Variants in MED12L observed in about 807,000 individuals in gnomAD.
MED12L encodes mediator complex subunit 12L, also known as mediator of RNA polymerase II transcription subunit 12-like protein.
Under a neutral mutation model 281.3 loss-of-function variants are expected in MED12L, and 60 were observed. The ratio of observed to expected loss-of-function variants is 0.21; its 90% CI spans 0.17 to 0.26. MED12L has a LOEUF of 0.26. Among genes scored for constraint, MED12L ranks in the 10% least tolerant of loss-of-function variants. The probability of loss-of-function intolerance (pLI) is 1.00; values close to 1 mark genes in which losing one functional copy is unlikely to be tolerated. For missense variants in MED12L, 2,146 were observed against 2,680.9 expected (o/e 0.80, Z 4.41); for synonymous variants, 974 against 987.2 (o/e 0.99, Z 0.25).
chr3:151,288,862 A>G (rs1743892938), intron 16 of MED12L, among the ~76,000 whole-genome samples: 1 of 152,224 alleles, frequency 6.6e-6, no homozygotes, highest in Non-Finnish European at 1.5e-5. Context: ...TTCGCAGCTC[A>G]TCATGTAAAT....
chr3:151,396,858 A>G lies in MED12L; in HGVS notation c.5820+1991A>G, dbSNP rs986934978. On this transcript the variant is annotated intron_variant, in intron 39 of 44. Coordinates refer to ENST00000687756, the MANE Select transcript of MED12L (RefSeq NM_001393769.1). ...CTGTTTTTAAAAGGTTCACTTCCTG[A>G]TATAAGCCATGACAAACGATTTCAG... 2.6e-5 allele frequency among the ~76,000 whole-genome samples: 4 copies of G among 152,342 alleles called. No homozygotes were observed. In the East Asian group the frequency reaches 5.8e-4, roughly 22 times the overall value.
chr3:151,238,392 C>T (rs1220474769), intron 16 of MED12L, among the ~76,000 whole-genome samples: 1 of 152,222 alleles, frequency 6.6e-6, no homozygotes, highest in Non-Finnish European at 1.5e-5. Context: ...GGTGATCCAC[C>T]CGCCTCAGCC....
In MED12L at chr3:151,369,561, C is replaced by G; in HGVS notation, c.3664+12C>G. The G allele has an allele frequency of 6.5e-7, 1 of 1,546,844 alleles. No homozygotes were observed. The highest frequency in any genetic ancestry group is 8.9e-7 in the Non-Finnish European group (1 of 1,128,772). The stretch of plus-strand genomic sequence containing the variant: ...AATTATGATGCTTGGTAAGATTATT[C>G]TGACCCTAAGCTTCTTGGTTAATCA... On this transcript the variant is annotated intron_variant, in intron 26 of 44. Transcript: ENST00000687756.
At chr3:151,233,721 G>T (rs569503804) in intron 16 of MED12L, among the ~76,000 whole-genome samples, 1 of 152,320 alleles carries the variant, frequency 6.6e-6, no homozygotes, top group South Asian at 2.1e-4. Flanking sequence ...CAACAAGAGT[G>T]AAACTCCGTC....
At chr3:151,199,544 T>A in intron 16 of MED12L, 1 of 637,664 alleles carries the variant, frequency 1.6e-6, no homozygotes, top group African/African-American at 1.8e-5. Flanking sequence ...GTTCTTAGAA[T>A]TTTATTGGTG....
chr3:151,146,142 T>C (rs1454650539), intron 5 of MED12L, among the ~76,000 whole-genome samples: 1 of 152,212 alleles, frequency 6.6e-6, no homozygotes, highest in Non-Finnish European at 1.5e-5. Flanking sequence ...TCCAGACCTC[T>C]GGAGTTGAAA....
intron 7 of MED12L, among the ~76,000 whole-genome samples, chr3:151,159,127 A>G (rs1719668997): frequency 6.6e-6 from 1 of 152,190 alleles, no homozygotes; most frequent in East Asian, 1.9e-4. Context: ...AAAACAAAAC[A>G]AATCATCCCT....
rs117666401 is a variant in MED12L at position 151,263,728 on chromosome 3, A to T, written c.2250+70062A>T. 5.3e-4 allele frequency among the ~76,000 whole-genome samples: 79 copies of T among 149,494 alleles called. No individual in the cohort carries two copies. In the East Asian group the frequency reaches 0.013, roughly 25 times the overall value. Reference sequence around the variant, plus strand: ...AATGTAATATAGAGATTAAGAATGCAGGCTACAGGGTTGGAATTCCTGGAT... The same window carrying T: ...AATGTAATATAGAGATTAAGAATGCTGGCTACAGGGTTGGAATTCCTGGAT... On this transcript the variant is annotated intron_variant, in intron 16 of 44. Transcript: ENST00000687756.
intron 24 of MED12L, among the ~76,000 whole-genome samples, 169 bp from the exon 25 acceptor site, chr3:151,367,980 GT>G (rs1560085355): frequency 6.6e-6 from 1 of 152,134 alleles, no homozygotes; most frequent in Non-Finnish European, 1.5e-5. Context: ...GTTACAGTCT[GT>G]TTTAAGGAAG....
intron 14 of MED12L, 32 bp from the exon 15 acceptor site, chr3:151,192,518 C>A (rs1416683193): frequency 5.6e-6 from 8 of 1,438,072 alleles, no homozygotes; most frequent in East Asian, 2.5e-5. Flanking sequence ...CCAAAACTTA[C>A]AATGTTACTT....
At chr3:151,317,220 G>A (rs1393431989) in intron 16 of MED12L, among the ~76,000 whole-genome samples, 1 of 151,954 alleles carries the variant, frequency 6.6e-6, no homozygotes, top group Non-Finnish European at 1.5e-5. Flanking sequence ...TTGGAAACTT[G>A]TAGTCTTATG....
chr3:151,210,298 G>A (rs1726957995), intron 16 of MED12L, among the ~76,000 whole-genome samples: 1 of 152,182 alleles, frequency 6.6e-6, no homozygotes, highest in Non-Finnish European at 1.5e-5. Context: ...ATAGCTGCAT[G>A]GTTGAGAACA....
chr3:151,376,174 G>C lies in MED12L; in HGVS notation c.4013G>C (p.Gly1338Ala). ...YPHGIKECTE[G>A]DNLQRQHIKR... is the part of the protein sequence containing the mutation. ...CATGGCATTAAAGAATGTACCGAGG[G>C]GGACAATCTGCAAAGACAGCACATT... is the stretch of plus-strand genomic sequence containing the variant. Residue 1338 changes from glycine (G) to alanine (A), a missense_variant, in exon 28 of 45, where the codon GGG becomes GCG. Physicochemically the swap from Gly to Ala is moderately conservative, Grantham distance 60 (BLOSUM62 0). Coordinates refer to ENST00000687756, the MANE Select transcript of MED12L (RefSeq NM_001393769.1). 3 of 1,602,020 alleles carry C rather than the reference G, an allele frequency of 1.9e-6. No individual in the cohort carries two copies. Among genetic ancestry groups the C allele is most frequent in the East Asian group, 2.3e-5 (1 of 44,354 alleles).
intron 8 of MED12L, among the ~76,000 whole-genome samples, chr3:151,161,429 A>C (rs965925633): frequency 3.3e-5 from 5 of 152,106 alleles, no homozygotes; most frequent in Admixed American, 6.6e-5. Flanking sequence ...GTAGTGAGAG[A>C]GAATCCGTGA....
chr3:151,166,029 T>C (rs370859995), intron 11 of MED12L, 47 bp downstream of exon 11: 29 of 1,529,020 alleles, frequency 1.9e-5, no homozygotes, highest in Non-Finnish European at 1.5e-5. Context: ...TTTCATAGTG[T>C]TTTTTTCTTC....
At chr3:151,138,716 A>G (rs1011270514) in intron 5 of MED12L, among the ~76,000 whole-genome samples, 21 of 152,218 alleles carry the variant, frequency 1.4e-4, no homozygotes, top group Admixed American at 2.6e-4. Context: ...GTCAAATGTC[A>G]TTCTCATCAT....
At chr3:151,275,511 A>T (rs963355805) in intron 16 of MED12L, among the ~76,000 whole-genome samples, 2 of 152,228 alleles carry the variant, frequency 1.3e-5, no homozygotes, top group African/African-American at 4.8e-5. Flanking sequence ...AAGGAATCTA[A>T]TCAGATCTAA....
chr3:151,216,834 T>C (rs1280372282), intron 16 of MED12L, among the ~76,000 whole-genome samples: 1 of 152,116 alleles, frequency 6.6e-6, no homozygotes, highest in Non-Finnish European at 1.5e-5. Flanking sequence ...TGACTAAGAG[T>C]CTGTGGCTGG....
chr3:151,349,542 C>T (rs1258848390), intron 16 of MED12L, among the ~76,000 whole-genome samples: 1 of 152,102 alleles, frequency 6.6e-6, no homozygotes, highest in Admixed American at 6.5e-5. Context: ...CCTTGGCCTC[C>T]CAAAGCACTG....
Sources: gnomAD v4.1 joint callset for allele counts (sites outside exome capture counted in the v4.1 genomes callset) on GRCh38, gnomAD v4.1.1 for gene constraint, MANE v1.5 for transcripts, NCBI Gene and HGNC (gene_info 2026-07-23, HGNC 2026-07-21) for gene names.